Variants in DYSF observed in about 807,000 individuals in gnomAD.
DYSF encodes the protein dystrophy-associated fer-1-like 1.
In DYSF, 212 loss-of-function variants were observed where a neutral mutation model predicts 274.9. The ratio of observed to expected loss-of-function variants is 0.77; its 90% CI spans 0.69 to 0.86. The LOEUF (loss-of-function observed/expected upper bound fraction) is 0.86. DYSF is among the 40% of genes least tolerant of loss of function. The pLI, the probability that DYSF is intolerant of heterozygous loss-of-function variation, is 0.00. For synonymous variants in DYSF, 1,091 were observed against 1,078.7 expected, an observed-to-expected ratio of 1.01 and a Z score of -0.22; for missense variants, 2,666 against 2,783.2, an observed-to-expected ratio of 0.96 and a Z score of 0.95.
At chr2:71,537,339 A>G (rs1488963819) in intron 16 of DYSF, among the ~76,000 whole-genome samples, 9 of 142,086 alleles carry the variant, frequency 6.3e-5, no homozygotes, top group Non-Finnish European at 1.0e-4. Context: ...TCTGCCTCCC[A>G]GGTTCAAGCG....
At chr2:71,474,944 G>T (rs780154244) in intron 1 of DYSF, among the ~76,000 whole-genome samples, 1 of 152,140 alleles carries the variant, frequency 6.6e-6, no homozygotes, top group Non-Finnish European at 1.5e-5. Context: ...GATAGGGGAG[G>T]GGAAGTGGAC....
At chr2:71,523,442 G>A (rs1573722826) in intron 12 of DYSF, among the ~76,000 whole-genome samples, 2 of 152,252 alleles carry the variant, frequency 1.3e-5, no homozygotes, top group African/African-American at 2.4e-5. Context: ...ACTGGATTTG[G>A]GGGAACAACT....
intron 41 of DYSF, among the ~76,000 whole-genome samples, chr2:71,625,909 TCTTTA>T (rs1368315615): frequency 1.3e-5 from 2 of 152,068 alleles, no homozygotes; most frequent in African/African-American, 4.8e-5. Context: ...ATTATTGTTC[TCTTTA>T]CTTGAATTTT....
At chr2:71,607,353 C>CT (rs2093665942) in intron 36 of DYSF, among the ~76,000 whole-genome samples, 1 of 152,144 alleles carries the variant, frequency 6.6e-6, no homozygotes, top group Non-Finnish European at 1.5e-5. Context: ...TTCATCACTA[C>CT]TTGGGGTCAT....
intron 1 of DYSF, among the ~76,000 whole-genome samples, chr2:71,476,838 T>TC (rs35979793): frequency 0.34 from 49,967 of 145,206 alleles, 9,305 homozygotes; most frequent in East Asian, 0.59. Context: ...TTTTTTTTTT[T>TC]CCATGGAATA....
intron 22 of DYSF, among the ~76,000 whole-genome samples, chr2:71,556,387 G>A (rs563251803): frequency 6.6e-6 from 1 of 152,212 alleles, no homozygotes; most frequent in African/African-American, 2.4e-5. Context: ...GAGCTGGCTG[G>A]GGGGTGGGGT....
chr2:71,479,690 C>A (rs78298237), intron 1 of DYSF, among the ~76,000 whole-genome samples: 266 of 152,340 alleles, frequency 1.7e-3, no homozygotes, highest in African/African-American at 6.3e-3. Flanking sequence ...CCCCTTCATG[C>A]CCACTGCTCC....
At position 71,571,431 on chromosome 2, in the gene DYSF, C is replaced by G. The variant is rs544293948; in HGVS notation, c.3228+690C>G. On this transcript the variant is annotated intron_variant, in intron 29 of 55. Coordinates refer to ENST00000410020, the MANE Select transcript of DYSF (RefSeq NM_001130987.2). ...CAGCACACACAGATCACAGTCAGCA[C>G]ACACAGATCACACCCAGCACACACA... 2.9e-3 allele frequency among the ~76,000 whole-genome samples: 293 copies of G among 100,044 alleles called. 1 individual carries two copies. Among genetic ancestry groups the G allele is most frequent in the African/African-American group, 8.1e-3 (271 of 33,374 alleles). 65.6% of individuals were successfully genotyped at this position (100,044 alleles called of 152,430 possible). A position where few individuals can be genotyped will look rare whatever the true frequency, so the allele number is the denominator to read the frequency against.
At chr2:71,605,478 A>T (rs2093629574) in intron 36 of DYSF, among the ~76,000 whole-genome samples, 1 of 151,990 alleles carries the variant, frequency 6.6e-6, no homozygotes. Context: ...GATACAGAAC[A>T]TGTGTAGAAG....
At position 71,552,884 on chromosome 2, in the gene DYSF, C is replaced by T. The variant is rs572974274; in HGVS notation, c.1807-127C>T. The T allele has an allele frequency of 1.4e-4, 131 of 923,558 alleles. 2 individuals carry two copies. The African/African-American group carries it at 1.5e-3, about 11-fold the overall frequency. 57.2% of individuals were successfully genotyped at this position (923,558 alleles called of 1,614,324 possible). On this transcript the variant is annotated intron_variant, in intron 19 of 55. Transcript: ENST00000410020. ...TTTCTTTCTTGGGCTACTTGCCACCCGTCAGTCCAGCCAGGAGCTATTGGG... is the reference window on the plus strand; with the variant it reads ...TTTCTTTCTTGGGCTACTTGCCACCTGTCAGTCCAGCCAGGAGCTATTGGG...
intron 29 of DYSF, among the ~76,000 whole-genome samples, chr2:71,573,887 A>G (rs565538730): frequency 2.0e-5 from 3 of 151,964 alleles, no homozygotes; most frequent in South Asian, 4.2e-4. Context: ...CAGTGGCGCA[A>G]TCTCGGCTCA....
At chr2:71,556,886 C>T (rs773771103) in intron 22 of DYSF, among the ~76,000 whole-genome samples, 5 of 152,206 alleles carry the variant, frequency 3.3e-5, no homozygotes, top group East Asian at 3.8e-4. Context: ...TGCTCCCATA[C>T]GCCTCATCAC....
chr2:71,671,485 A>C (rs1486749074), intron 51 of DYSF, among the ~76,000 whole-genome samples: 64 of 152,350 alleles, frequency 4.2e-4, no homozygotes, highest in Non-Finnish European at 2.9e-5. Context: ...CTCACCTACA[A>C]GGGCTGGAGA....
In DYSF at chr2:71,493,480, T is replaced by C. The variant is rs150458041; in HGVS notation, c.240-9734T>C. ...AAATAACGAACAGAGAAAAAAGATA[T>C]TTGTGAGGGAATAGAGCCAGCCGTG... On this transcript the variant is annotated intron_variant, in intron 3 of 55. Transcript: ENST00000410020. Among the ~76,000 whole-genome samples the C allele has an allele frequency of 2.3e-3, 344 of 152,222 alleles. 2 individuals are homozygous for C. Among genetic ancestry groups the C allele is most frequent in the African/African-American group, 7.8e-3 (324 of 41,548 alleles).
chr2:71,598,161 C>G (rs2093451690), intron 32 of DYSF, among the ~76,000 whole-genome samples: 1 of 152,202 alleles, frequency 6.6e-6, no homozygotes, highest in African/African-American at 2.4e-5. Context: ...TATTCTCAGC[C>G]CCTAGCACCT....
chr2:71,550,471 C>T (rs2090856949), intron 17 of DYSF, among the ~76,000 whole-genome samples: 1 of 152,172 alleles, frequency 6.6e-6, no homozygotes, highest in Admixed American at 6.5e-5. Flanking sequence ...GGGTATGTGC[C>T]TGGGGGCTAC....
intron 21 of DYSF, among the ~76,000 whole-genome samples, chr2:71,554,242 TCA>T (rs1347493749): frequency 6.6e-6 from 1 of 151,748 alleles, no homozygotes; most frequent in Non-Finnish European, 1.5e-5. Flanking sequence ...GCTCGCTTAC[TCA>T]CTCATTACAG....
chr2:71,660,314 T>G lies in DYSF; in HGVS notation c.4912-246T>G, dbSNP rs575573955. On this transcript the variant is annotated intron_variant, in intron 44 of 55. Coordinates refer to ENST00000410020, the MANE Select transcript of DYSF (RefSeq NM_001130987.2). The stretch of plus-strand genomic sequence containing the variant: ...GGCCTGGCCTCTCCCAATGGAGCAG[T>G]AGATTGGGAGTGTGAAGGACTCAGG... 2.0e-5 allele frequency among the ~76,000 whole-genome samples: 3 copies of G among 152,290 alleles called. No homozygotes were observed. The South Asian group carries it at 6.2e-4, about 32-fold the overall frequency.
chr2:71,641,915 A>G (rs2094491805), intron 41 of DYSF, among the ~76,000 whole-genome samples: 2 of 151,606 alleles, frequency 1.3e-5, no homozygotes, highest in South Asian at 4.2e-4. Context: ...TGGCTTTTTT[A>G]TTTTTTTCTA....
Sources: allele counts gnomAD v4.1 joint callset (sites outside exome capture counted in the v4.1 genomes callset), GRCh38; gene constraint gnomAD v4.1.1; transcripts MANE v1.5; gene names NCBI Gene and HGNC (gene_info 2026-07-23, HGNC 2026-07-21).